The following MACF1 variants were observed in gnomAD, a reference collection of about 807,000 sequenced individuals.
MACF1 encodes microtubule-actin cross-linking factor 1.
In MACF1, 193 loss-of-function variants were observed where a neutral mutation model predicts 854.8. The observed-to-expected ratio is 0.23, with a 90% CI of 0.20 to 0.25. The LOEUF is 0.25. MACF1 is among the 10% of genes least tolerant of loss of function. The pLI is 1.00. For missense variants in MACF1, 7,722 were observed against 8,929.1 expected (o/e 0.86, Z 5.45); for synonymous variants, 3,185 against 3,226.7 (o/e 0.99, Z 0.44).
In MACF1 at chr1:39,136,250, A is replaced by G. The variant is rs567672532; in HGVS notation, c.220+51812A>G. Reference sequence around the variant, plus strand: ...CTTAGCAGAAGGGCCTTGACAGCTTAGACAGTCTCTTACAATGTCTACCAA... The same window carrying G: ...CTTAGCAGAAGGGCCTTGACAGCTTGGACAGTCTCTTACAATGTCTACCAA... On this transcript the variant is annotated intron_variant, in intron 2 of 93. Coordinates refer to the MACF1 transcript ENST00000361689. Among the ~76,000 whole-genome samples, 4 of 152,314 alleles carry G rather than the reference A, an allele frequency of 2.6e-5. No individual in the cohort carries two copies. In the East Asian group the frequency reaches 7.7e-4, roughly 29 times the overall value.
At chr1:39,297,117 G>A (rs970141733) in intron 20 of MACF1, among the ~76,000 whole-genome samples, 3 of 152,050 alleles carry the variant, frequency 2.0e-5, no homozygotes, top group East Asian at 3.9e-4. Flanking sequence ...TAGTAGAGAC[G>A]GGGTTTCACC....
chr1:39,453,959 T>C (rs940091976), intron 88 of MACF1, 109 bp downstream of exon 88: 6 of 1,312,996 alleles, frequency 4.6e-6, no homozygotes, highest in Admixed American at 4.5e-5. Flanking sequence ...TGTGAATAAC[T>C]CAGCAAAAAT....
intron 91 of MACF1, chr1:39,459,952 A>G (rs1433755025): frequency 7.6e-6 from 5 of 656,994 alleles, no homozygotes; most frequent in East Asian, 6.6e-5. Context: ...ACCAAGGGGA[A>G]ACTGCTGCAC....
At chr1:39,349,139 C>T (rs1647123584) in intron 41 of MACF1, among the ~76,000 whole-genome samples, 2 of 152,156 alleles carry the variant, frequency 1.3e-5, no homozygotes, top group African/African-American at 4.8e-5. Context: ...AAATTATTAT[C>T]ATCACCATTA....
chr1:39,333,818 A>T lies in MACF1; in HGVS notation c.7230A>T (p.Gly2410=). Residue 2410 remains glycine (G), a synonymous_variant, in exon 37 of 101, where the codon GGA becomes GGT. Transcript: ENST00000564288. The part of the protein sequence containing the change: ...RILERQVVTG[G]IIDLKRGKKV... ...TAGAGAGGCAGGTGGTGACTGGTGG[A>T]ATTATTGATCTGAAACGAGGCAAAA... 1.2e-6 allele frequency: 2 copies of T among 1,614,182 alleles called. No individual in the cohort carries two copies. The highest frequency in any genetic ancestry group is 1.6e-4 in the Middle Eastern group (1 of 6,062).
chr1:39,102,880 C>A, intron 2 of MACF1: 2 of 702,470 alleles, frequency 2.8e-6, no homozygotes, highest in Non-Finnish European at 2.6e-6. Flanking sequence ...AAGCGAAAAA[C>A]CTCCCCTTCA....
chr1:39,422,726 A>G lies in MACF1; in HGVS notation c.15979-4A>G, dbSNP rs758323340. Reference sequence around the variant, plus strand: ...CATAATGAACCTACATGTTCATGATACAGGTCGCACAAAGAATTGCACAGC... The same window carrying G: ...CATAATGAACCTACATGTTCATGATGCAGGTCGCACAAAGAATTGCACAGC... On this transcript the variant is annotated splice_polypyrimidine_tract_variant and splice_region_variant and intron_variant, in intron 59 of 100. Transcript: ENST00000564288. 6.8e-6 allele frequency: 11 copies of G among 1,613,740 alleles called. No individual in the cohort carries two copies. In the East Asian group the frequency reaches 1.1e-4, roughly 16 times the overall value.
chr1:39,207,351 G>T (rs1644462922), intron 1 of MACF1, among the ~76,000 whole-genome samples: 1 of 151,254 alleles, frequency 6.6e-6, no homozygotes, highest in Non-Finnish European at 1.5e-5. Context: ...CACAATCCTG[G>T]CTCACCGCAA....
intron 7 of MACF1, among the ~76,000 whole-genome samples, chr1:39,282,716 A>G (rs1645571374): frequency 6.6e-6 from 1 of 151,998 alleles, no homozygotes; most frequent in African/African-American, 2.4e-5. Flanking sequence ...CTTTTTGGTG[A>G]GCGTGTTAAA....
Position 39,428,016 on chromosome 1 carries a change from T to C in MACF1, c.16532T>C (p.Ile5511Thr), listed in dbSNP as rs1643780101. 1.2e-5 allele frequency: 19 copies of C among 1,614,096 alleles called. No individual in the cohort carries two copies. The highest frequency in any genetic ancestry group is 2.2e-5 in the East Asian group (1 of 44,904). ...HATDVHQAVK[I>T]GQSLSSLTSP... ...ACAGATGTGCACCAGGCAGTCAAAA[T>C]TGGGCAGTCCCTCTCCTCCCTGACA... is the stretch of plus-strand genomic sequence containing the variant. The change falls in exon 63 of 101, where the codon ATT becomes ACT. Residue 5511 changes from isoleucine to threonine, a missense_variant. Transcript: ENST00000564288.
intron 2 of MACF1, among the ~76,000 whole-genome samples, chr1:39,120,389 C>CT: frequency 6.6e-6 from 1 of 152,084 alleles, no homozygotes; most frequent in African/African-American, 2.4e-5. Context: ...AAGAGTGAGA[C>CT]TGAGTCTCAC....
chr1:39,285,184 G>A lies in MACF1; in HGVS notation c.1233G>A (p.Glu411=), dbSNP rs748941345. 8.1e-6 allele frequency: 13 copies of A among 1,614,086 alleles called. No individual in the cohort carries two copies. The highest frequency in any genetic ancestry group is 9.3e-6 in the Non-Finnish European group (11 of 1,180,044). The change falls in exon 12 of 101, where the codon GAG becomes GAA. Residue 411 remains glutamate (E), a synonymous_variant. Coordinates refer to ENST00000564288, the MANE Select transcript of MACF1 (RefSeq NM_001394062.1). The part of the protein sequence containing the change: ...GKLIIEMLER[E]KSLRPAVERL... ...TCATCATAGAGATGCTGGAACGAGA[G>A]AAATCACTTCGGCCGGCTGTGGAGA... is the stretch of plus-strand genomic sequence containing the variant.
intron 97 of MACF1, among the ~76,000 whole-genome samples, chr1:39,472,191 A>C (rs1341851111): frequency 6.6e-6 from 1 of 152,152 alleles, no homozygotes; most frequent in Non-Finnish European, 1.5e-5. Context: ...AAGTACTAGG[A>C]ATCTTCTCTT....
chr1:39,338,572 C>T (rs181274361), intron 38 of MACF1, among the ~76,000 whole-genome samples: 2 of 152,306 alleles, frequency 1.3e-5, no homozygotes, highest in Non-Finnish European at 2.9e-5. Flanking sequence ...CATAGCCTGG[C>T]AACTGCTTGT....
Position 39,333,682 on chromosome 1 carries a change from T to C in MACF1, c.7094T>C (p.Met2365Thr), listed in dbSNP as rs1344442503. 5 of 1,614,220 alleles carry C rather than the reference T, an allele frequency of 3.1e-6. No homozygotes were observed. The highest frequency in any genetic ancestry group is 2.2e-5 in the South Asian group (2 of 91,092). ...MDEKLLHNVL[M>T]ADKAISGVLD... Reference sequence around the variant, plus strand: ...GAGAAATTATTACATAATGTCCTCATGGCAGACAAAGCTATAAGTGGTGTC... The same window carrying C: ...GAGAAATTATTACATAATGTCCTCACGGCAGACAAAGCTATAAGTGGTGTC... Residue 2365 changes from methionine to threonine, a missense_variant, in exon 37 of 101, where the codon ATG becomes ACG. Met to Thr is a moderately conservative substitution (Grantham distance 81, BLOSUM62 -1). Coordinates refer to ENST00000564288, the MANE Select transcript of MACF1 (RefSeq NM_001394062.1).
At chr1:39,306,950 T>C (rs1012442863) in intron 23 of MACF1, among the ~76,000 whole-genome samples, 50 of 151,418 alleles carry the variant, frequency 3.3e-4, no homozygotes, top group African/African-American at 1.1e-3. Context: ...TCTTAGCACA[T>C]GGCAGCCTCC....
chr1:39,483,750 G>C (rs907370334), intron 99 of MACF1, among the ~76,000 whole-genome samples: 17 of 152,180 alleles, frequency 1.1e-4, no homozygotes, highest in Non-Finnish European at 2.9e-5. Context: ...CCACAGTCGT[G>C]TGCTTCTCAT....
chr1:39,435,800 A>C (rs754550781), intron 70 of MACF1, 39 bp downstream of exon 70: 1 of 1,580,688 alleles, frequency 6.3e-7, no homozygotes, highest in African/African-American at 1.3e-5. Flanking sequence ...TGAATTGTCT[A>C]CTGTTCTAAA....
chr1:39,216,287 T>C (rs189937550), intron 1 of MACF1, among the ~76,000 whole-genome samples: 2 of 152,356 alleles, frequency 1.3e-5, no homozygotes, highest in East Asian at 3.9e-4. Flanking sequence ...TGGTAGTGTG[T>C]TTTTAAGATA....
Sources: allele counts gnomAD v4.1 joint callset (sites outside exome capture counted in the v4.1 genomes callset), GRCh38; gene constraint gnomAD v4.1.1; transcripts MANE v1.5; gene names NCBI Gene and HGNC (gene_info 2026-07-23, HGNC 2026-07-21).